The following SAMD4A variants were observed in gnomAD, a reference collection of about 807,000 sequenced individuals.
SAMD4A encodes the protein sterile alpha motif domain containing 4A.
Under a neutral mutation model 81.3 loss-of-function variants are expected in SAMD4A, and 33 were observed. The ratio of observed to expected loss-of-function variants is 0.41; its 90% CI spans 0.31 to 0.54. The LOEUF (loss-of-function observed/expected upper bound fraction) is 0.54, where lower values mean the gene tolerates loss of function less well. Ranked by LOEUF, SAMD4A falls within the 20% of genes least tolerant of loss-of-function variation. SAMD4A has a pLI of 0.37. For synonymous variants in SAMD4A, 389 were observed against 382.1 expected, an observed-to-expected ratio of 1.02 and a Z score of -0.21; for missense variants, 854 against 951.1, an observed-to-expected ratio of 0.90 and a Z score of 1.34.
intron 2 of SAMD4A, chr14:54,681,703 A>G: frequency 1.3e-6 from 1 of 745,484 alleles, no homozygotes; most frequent in Non-Finnish European, 1.6e-6. Context: ...AAGTACTGGG[A>G]TTACAGGTGT....
intron 8 of SAMD4A, among the ~76,000 whole-genome samples, chr14:54,766,921 T>TTGG (rs1186932896): frequency 6.6e-6 from 1 of 152,096 alleles, no homozygotes; most frequent in Non-Finnish European, 1.5e-5. Context: ...ATGTCCTCCC[T>TTGG]TGGTACCCTG....
rs941390018 is a variant in SAMD4A, at chr14:54,713,101, A to C, written c.715+10521A>C. Among the ~76,000 whole-genome samples the C allele has an allele frequency of 3.3e-5, 5 of 152,188 alleles. No homozygotes were observed. The East Asian group carries it at 9.6e-4, about 29-fold the overall frequency. On this transcript the variant is annotated intron_variant, in intron 3 of 12. Transcript: ENST00000554335. ...CAGGAAAACTTTTAAATTTGCATTT[A>C]CTGATTTTTTTTTCTTTTAAGATTT... is the stretch of plus-strand genomic sequence containing the variant.
rs2036790476 is a variant in SAMD4A, at chr14:54,704,071, T to A, written c.715+1491T>A. On this transcript the variant is annotated intron_variant, in intron 3 of 12. Transcript: ENST00000554335. The stretch of plus-strand genomic sequence containing the variant: ...CATTGATATTGCTACAACATGGGAT[T>A]TTTTTAAATTCTTTTTTCTGCTTTT... Among the ~76,000 whole-genome samples, 11 of 152,340 alleles carry A rather than the reference T, an allele frequency of 7.2e-5. 1 individual carries two copies. In the South Asian group the frequency reaches 2.3e-3, roughly 32 times the overall value.
intron 2 of SAMD4A, among the ~76,000 whole-genome samples, chr14:54,701,804 T>C (rs2036725911): frequency 6.6e-6 from 1 of 152,218 alleles, no homozygotes; most frequent in Non-Finnish European, 1.5e-5. Context: ...ACCAAAGTAG[T>C]TGTAGCTTTT....
chr14:54,721,463 T>G (rs1292875744), intron 3 of SAMD4A, among the ~76,000 whole-genome samples: 1 of 152,228 alleles, frequency 6.6e-6, no homozygotes, highest in African/African-American at 2.4e-5. Context: ...TAAATAGAAA[T>G]CTTTAATGGG....
intron 2 of SAMD4A, among the ~76,000 whole-genome samples, chr14:54,641,039 C>T (rs776266762): frequency 2.0e-5 from 3 of 152,160 alleles, no homozygotes; most frequent in African/African-American, 4.8e-5. Context: ...AATAAAAGCT[C>T]GGCTGTTCCT....
chr14:54,591,799 T>C (rs1249728028), intron 2 of SAMD4A, among the ~76,000 whole-genome samples: 5 of 152,198 alleles, frequency 3.3e-5, no homozygotes, highest in African/African-American at 1.2e-4. Context: ...GTCATAGCAT[T>C]GATTTATTAA....
chr14:54,735,536 TC>T (rs1377326413), intron 3 of SAMD4A, among the ~76,000 whole-genome samples: 1 of 152,152 alleles, frequency 6.6e-6, no homozygotes, highest in East Asian at 1.9e-4. Flanking sequence ...CTTCCGATTG[TC>T]CCCACTTCAC....
chr14:54,667,945 C>T (rs998632594), intron 2 of SAMD4A, among the ~76,000 whole-genome samples: 3 of 152,188 alleles, frequency 2.0e-5, no homozygotes, highest in African/African-American at 4.8e-5. Context: ...GGGCCTCACC[C>T]TCTGTTTCTC....
intron 2 of SAMD4A, among the ~76,000 whole-genome samples, chr14:54,588,387 G>A (rs2033682733): frequency 6.6e-6 from 1 of 151,476 alleles, no homozygotes; most frequent in Admixed American, 6.6e-5. Context: ...ATTTTATTTA[G>A]TTCTGCTCTG....
intron 2 of SAMD4A, among the ~76,000 whole-genome samples, chr14:54,626,053 T>TGCGCGC (rs1245903264): frequency 5.8e-5 from 7 of 120,138 alleles, no homozygotes; most frequent in African/African-American, 1.3e-4. Context: ...TGTGTGTGTG[T>TGCGCGC]GTGTGTGCGC....
intron 2 of SAMD4A, among the ~76,000 whole-genome samples, chr14:54,664,328 T>C (rs2035709355): frequency 6.6e-6 from 1 of 152,218 alleles, no homozygotes; most frequent in African/African-American, 2.4e-5. Flanking sequence ...GAGATGAGTA[T>C]ACACTTATAG....
intron 2 of SAMD4A, among the ~76,000 whole-genome samples, chr14:54,683,815 G>C (rs1010668824): frequency 1.3e-5 from 2 of 152,180 alleles, no homozygotes; most frequent in African/African-American, 4.8e-5. Flanking sequence ...ATAGATCCAG[G>C]TGGGCACAGT....
intron 12 of SAMD4A, among the ~76,000 whole-genome samples, chr14:54,784,867 C>T (rs1429367223): frequency 6.6e-6 from 1 of 152,178 alleles, no homozygotes; most frequent in African/African-American, 2.4e-5. Context: ...ACCTGGCAAT[C>T]AAAGCTGTCC....
chr14:54,757,607 CAG>C (rs1286645446), intron 6 of SAMD4A, among the ~76,000 whole-genome samples: 2 of 152,198 alleles, frequency 1.3e-5, no homozygotes, highest in African/African-American at 4.8e-5. Flanking sequence ...GTGCAGTTGA[CAG>C]AGTGTCCCAA....
chr14:54,763,880 G>C, intron 7 of SAMD4A, among the ~76,000 whole-genome samples: 1 of 152,174 alleles, frequency 6.6e-6, no homozygotes, highest in Non-Finnish European at 1.5e-5. Flanking sequence ...GTGTAGGTGA[G>C]CCTGCGCCTG....
chr14:54,624,395 C>T (rs1313768446), intron 2 of SAMD4A, among the ~76,000 whole-genome samples: 1 of 152,236 alleles, frequency 6.6e-6, no homozygotes, highest in Non-Finnish European at 1.5e-5. Flanking sequence ...ATTTCTCTTT[C>T]GGAACCACCT....
intron 2 of SAMD4A, among the ~76,000 whole-genome samples, chr14:54,626,015 GGT>G (rs71446501): frequency 0.22 from 28,436 of 130,870 alleles, 3,063 homozygotes; most frequent in Admixed American, 0.26. Flanking sequence ...TCTACTGCTA[GGT>G]GTGTGTGTGT....
rs1566593268 is a variant in SAMD4A at position 54,702,184 on chromosome 14, A to C, written c.319A>C (p.Lys107Gln). 6.2e-7 allele frequency: 1 copy of C among 1,614,198 alleles called. No individual in the cohort carries two copies. Among genetic ancestry groups the C allele is most frequent in the Admixed American group, 1.7e-5 (1 of 60,024 alleles). ...AGTAGAATATATGAAACTGCTGCCCAAAATCCTGGCTCACTCTATTGAACA... is the reference window on the plus strand; with the variant it reads ...AGTAGAATATATGAAACTGCTGCCCCAAATCCTGGCTCACTCTATTGAACA... The part of the protein sequence containing the change: ...AKVEYMKLLP[K>Q]ILAHSIEHNQ... Residue 107 changes from lysine (K) to glutamine (Q), a missense_variant, in exon 3 of 13, where the codon AAA (lysine) becomes CAA (glutamine). Physicochemically the swap from Lys to Gln is moderately conservative, Grantham distance 53. Around this residue, in one of 3 missense-constraint regions of SAMD4A, gnomAD observed 387 missense variants for 405.8 expected, o/e 0.95. Transcript: ENST00000554335.
Sources: gnomAD v4.1 joint callset for allele counts (sites outside exome capture counted in the v4.1 genomes callset) on GRCh38, gnomAD v4.1.1 for gene constraint, gnomAD v4.1.1 regional missense constraint, MANE v1.5 for transcripts, NCBI Gene and HGNC (gene_info 2026-07-23, HGNC 2026-07-21) for gene names.